The following CD6 variants were observed in gnomAD, a reference collection of about 807,000 sequenced individuals.
CD6 encodes the protein CD6 molecule, also known as T-cell differentiation antigen CD6.
CD6 carries 53 observed loss-of-function variants against 75.3 expected under a neutral mutation model. That is an observed-to-expected ratio of 0.70 (90% CI 0.56 to 0.88). The LOEUF (loss-of-function observed/expected upper bound fraction) is 0.88. CD6 is among the 40% of genes least tolerant of loss of function. The pLI is 0.00. For missense variants in CD6, 770 were observed against 897.1 expected (o/e 0.86, Z 1.81); for synonymous variants, 359 against 381.5 (o/e 0.94, Z 0.69).
chr11:61,003,381 T>C (rs1858689439), intron 1 of CD6, among the ~76,000 whole-genome samples: 1 of 152,176 alleles, frequency 6.6e-6, no homozygotes, highest in Non-Finnish European at 1.5e-5. Flanking sequence ...AATAAATTTA[T>C]TGCAGCAAAA....
rs776449860 is a variant in CD6, at chr11:61,013,475, C to G, written c.1203C>G (p.Leu401=). The G allele has an allele frequency of 1.9e-6, 3 of 1,613,840 alleles. No individual in the cohort carries two copies. The highest frequency in any genetic ancestry group is 2.5e-6 in the Non-Finnish European group (3 of 1,179,692). The stretch of plus-strand genomic sequence containing the variant: ...ACAAGGAATCTCGGGAGCTAATGCT[C>G]CTCATCCCCTCCATCGTTCTGGGAA... ...IENKESRELM[L]LIPSIVLGIL... The change falls in exon 7 of 13, where the codon CTC becomes CTG. Residue 401 remains leucine, a synonymous_variant. Transcript: ENST00000313421.
intron 1 of CD6, among the ~76,000 whole-genome samples, chr11:60,996,763 G>A (rs1858318674): frequency 1.3e-5 from 2 of 152,216 alleles, no homozygotes; most frequent in South Asian, 2.1e-4. Context: ...GGACTATCCG[G>A]GAGATCACTG....
rs115378347 is a variant in CD6, at chr11:61,013,793, C to T, written c.1292-126C>T. 1.8e-3 allele frequency: 1,350 copies of T among 740,864 alleles called. 12 individuals are homozygous for T. In the African/African-American group the frequency reaches 0.022, roughly 12 times the overall value. 45.9% of individuals were successfully genotyped at this position (740,864 alleles called of 1,614,324 possible). On this transcript the variant is annotated intron_variant, in intron 7 of 12. Transcript: ENST00000313421. Reference sequence around the variant, plus strand: ...GTGTTTGTGTGTGTGTTTGTGCGCGCGCACATGTGCCTGCAAGTGTTGGGG... The same window carrying T: ...GTGTTTGTGTGTGTGTTTGTGCGCGTGCACATGTGCCTGCAAGTGTTGGGG...
chr11:61,019,883 C>T lies in CD6; in HGVS notation c.*565C>T, dbSNP rs1466583946. The T allele has an allele frequency of 5.8e-6, 2 of 345,110 alleles. No homozygotes were observed. The highest frequency in any genetic ancestry group is 1.0e-5 in the Non-Finnish European group (2 of 193,204). 21.4% of individuals were successfully genotyped at this position (345,110 alleles called of 1,614,324 possible). A position where few individuals can be genotyped will look rare whatever the true frequency, so the allele number is the denominator to read the frequency against. ...GGCTTTGCTCCGGGCGGTAACTGCA[C>T]TTGGGCAGGGAATATAGCCTTCCTG... is the stretch of plus-strand genomic sequence containing the variant. On this transcript the variant is annotated 3_prime_UTR_variant, in exon 13 of 13. Coordinates refer to ENST00000313421, the MANE Select transcript of CD6 (RefSeq NM_006725.5).
intron 1 of CD6, among the ~76,000 whole-genome samples, chr11:60,998,256 T>A: frequency 6.6e-6 from 1 of 152,194 alleles, no homozygotes; most frequent in East Asian, 1.9e-4. Context: ...AGTATGCACC[T>A]CACAGGGTGG....
At chr11:60,992,263 A>G (rs1858094227) in intron 1 of CD6, among the ~76,000 whole-genome samples, 1 of 151,420 alleles carries the variant, frequency 6.6e-6, no homozygotes, top group Non-Finnish European at 1.5e-5. Context: ...GGCCTCAAGC[A>G]ATCCTCCTGC....
At chr11:60,973,798 C>A (rs1489368257) in intron 1 of CD6, among the ~76,000 whole-genome samples, 1 of 152,138 alleles carries the variant, frequency 6.6e-6, no homozygotes, top group Non-Finnish European at 1.5e-5. Flanking sequence ...GCATTAAACG[C>A]GGCTTCTGTA....
At chr11:60,980,303 G>C in intron 1 of CD6, among the ~76,000 whole-genome samples, 1 of 150,722 alleles carries the variant, frequency 6.6e-6, no homozygotes, top group African/African-American at 2.4e-5. Flanking sequence ...AAGAGTTCCA[G>C]AGCAGCATAG....
At chr11:61,000,395 A>C (rs1858527438) in intron 1 of CD6, among the ~76,000 whole-genome samples, 1 of 151,966 alleles carries the variant, frequency 6.6e-6, no homozygotes, top group Non-Finnish European at 1.5e-5. Context: ...CCATGTTTCC[A>C]TCGTCCCTTT....
At chr11:61,012,350 C>T (rs1388691267) in intron 6 of CD6, among the ~76,000 whole-genome samples, 2 of 152,210 alleles carry the variant, frequency 1.3e-5, no homozygotes, top group Admixed American at 6.5e-5. Flanking sequence ...GCCCCTCCCT[C>T]GGCCACGGCC....
At chr11:61,014,378 G>A (rs562140053) in intron 8 of CD6, among the ~76,000 whole-genome samples, 54 of 152,274 alleles carry the variant, frequency 3.5e-4, no homozygotes, top group African/African-American at 1.2e-3. Context: ...TTGGCCTTGC[G>A]AAGCCCCATC....
Position 61,006,592 on chromosome 11 carries a change from C to A in CD6, c.68C>A (p.Pro23Gln). 6.2e-7 allele frequency: 1 copy of A among 1,609,602 alleles called. No homozygotes were observed. The highest frequency in any genetic ancestry group is 2.2e-5 in the East Asian group (1 of 44,828). The part of the protein sequence containing the change: ...AALSGHPSPA[P>Q]PDQLNTSSAE... ...ATTTCAGGTCATCCATCTCCAGCCCCACCTGACCAGCTCAACACCAGCAGT... is the reference window on the plus strand; with the variant it reads ...ATTTCAGGTCATCCATCTCCAGCCCAACCTGACCAGCTCAACACCAGCAGT... Residue 23 changes from proline (P) to glutamine (Q), a missense_variant, in exon 2 of 13, where the codon CCA (proline) becomes CAA (glutamine). Transcript: ENST00000313421.
chr11:60,995,607 C>T (rs1304494405), intron 1 of CD6, among the ~76,000 whole-genome samples: 1 of 152,130 alleles, frequency 6.6e-6, no homozygotes, highest in African/African-American at 2.4e-5. Context: ...TTCATTGGCC[C>T]TCCTCTTCCA....
chr11:61,004,909 G>T (rs28546162), intron 1 of CD6, among the ~76,000 whole-genome samples: 1 of 152,174 alleles, frequency 6.6e-6, no homozygotes, highest in Admixed American at 6.5e-5. Flanking sequence ...CTCAAAAGCA[G>T]GCAGACGTCT....
At chr11:61,018,470 T>C in intron 12 of CD6, 77 bp downstream of exon 12, 1 of 883,486 alleles carries the variant, frequency 1.1e-6, no homozygotes, top group East Asian at 2.7e-5. Context: ...AACTATTGGA[T>C]GCATTCGCTC....
At chr11:61,013,307 C>G (rs1252249151) in intron 6 of CD6, 116 bp from the exon 7 acceptor site, 2 of 1,213,720 alleles carry the variant, frequency 1.6e-6, no homozygotes, top group East Asian at 2.3e-5. Context: ...AAAAAGGAAG[C>G]AAGGAGGAAG....
At chr11:60,997,794 A>T (rs1858376954) in intron 1 of CD6, among the ~76,000 whole-genome samples, 1 of 151,886 alleles carries the variant, frequency 6.6e-6, no homozygotes, top group South Asian at 2.1e-4. Flanking sequence ...AACATTTTGT[A>T]AATTAAATAG....
chr11:60,976,764 T>G (rs1857379349), intron 1 of CD6, among the ~76,000 whole-genome samples: 1 of 152,208 alleles, frequency 6.6e-6, no homozygotes, highest in African/African-American at 2.4e-5. Flanking sequence ...GCCCTCTAAC[T>G]GGGCTGGCTC....
At chr11:60,998,521 C>T (rs534518168) in intron 1 of CD6, among the ~76,000 whole-genome samples, 3 of 152,162 alleles carry the variant, frequency 2.0e-5, no homozygotes, top group Non-Finnish European at 2.9e-5. Context: ...CAGCTCCTGA[C>T]GCCCAACCCA....
Sources: allele counts gnomAD v4.1 joint callset (sites outside exome capture counted in the v4.1 genomes callset), GRCh38; gene constraint gnomAD v4.1.1; transcripts MANE v1.5; gene names NCBI Gene and HGNC (gene_info 2026-07-23, HGNC 2026-07-21).